Variants in CCSER1 observed in about 807,000 individuals in gnomAD.
The protein encoded by CCSER1 is serine-rich coiled-coil domain-containing protein 1.
In CCSER1, 41 loss-of-function variants were observed where a neutral mutation model predicts 82.0. The observed-to-expected ratio is 0.50, with a 90% CI of 0.39 to 0.65. The LOEUF (loss-of-function observed/expected upper bound fraction) is 0.65. Among genes scored for constraint, CCSER1 ranks in the 30% least tolerant of loss-of-function variants. CCSER1 has a pLI of 0.00. For missense variants in CCSER1, 1,119 were observed against 1,064.2 expected (o/e 1.05, Z -0.72); for synonymous variants, 414 against 383.9 (o/e 1.08, Z -0.92).
chr4:90,914,715 G>GGAA (rs1727024003), intron 8 of CCSER1, among the ~76,000 whole-genome samples: 1 of 128,628 alleles, frequency 7.8e-6, no homozygotes, highest in Non-Finnish European at 1.7e-5. Context: ...GCTTTTTATT[G>GGAA]AAAAAAAAAA....
intron 9 of CCSER1, among the ~76,000 whole-genome samples, chr4:91,021,456 A>G (rs977823864): frequency 6.6e-6 from 1 of 152,222 alleles, no homozygotes; most frequent in Non-Finnish European, 1.5e-5. Flanking sequence ...CTTTGATTTA[A>G]AAATAGTTTT....
chr4:90,148,040 T>G (rs2153347263), intron 1 of CCSER1, among the ~76,000 whole-genome samples: 1 of 152,174 alleles, frequency 6.6e-6, no homozygotes, highest in East Asian at 1.9e-4. Context: ...TAACGCTTGC[T>G]TGTAATCCCA....
chr4:91,561,017 A>G (rs1466921797), intron 10 of CCSER1, among the ~76,000 whole-genome samples: 9 of 151,356 alleles, frequency 5.9e-5, no homozygotes, highest in Non-Finnish European at 1.2e-4. Flanking sequence ...GAAAAACCCA[A>G]ACTTGTACTT....
intron 5 of CCSER1, among the ~76,000 whole-genome samples, chr4:90,488,281 T>G (rs184408067): frequency 6.6e-6 from 1 of 152,232 alleles, no homozygotes; most frequent in African/African-American, 2.4e-5. Flanking sequence ...TCGGCCTCCA[T>G]GGTTCACACC....
chr4:90,703,649 G>A (rs1738645459), intron 6 of CCSER1, among the ~76,000 whole-genome samples: 1 of 152,112 alleles, frequency 6.6e-6, no homozygotes, highest in Non-Finnish European at 1.5e-5. Flanking sequence ...TTATGAATCT[G>A]GGTGCTCCTG....
chr4:90,322,040 G>C (rs1398343609), intron 3 of CCSER1, among the ~76,000 whole-genome samples: 1 of 152,056 alleles, frequency 6.6e-6, no homozygotes, highest in Non-Finnish European at 1.5e-5. Flanking sequence ...TGAGGTCTTA[G>C]TCAGGACATT....
intron 10 of CCSER1, among the ~76,000 whole-genome samples, chr4:91,538,261 T>C (rs536650845): frequency 2.1e-4 from 32 of 152,124 alleles, no homozygotes; most frequent in Non-Finnish European, 2.2e-4. Flanking sequence ...AACTATAATA[T>C]TAAAATAATT....
intron 7 of CCSER1, among the ~76,000 whole-genome samples, chr4:90,736,773 T>G (rs984570394): frequency 6.6e-6 from 1 of 152,064 alleles, no homozygotes; most frequent in Non-Finnish European, 1.5e-5. Context: ...TTTCCTTCTT[T>G]CCTCCCTTGC....
chr4:91,254,081 A>T (rs1184419634), intron 10 of CCSER1, among the ~76,000 whole-genome samples: 1 of 152,172 alleles, frequency 6.6e-6, no homozygotes, highest in Admixed American at 6.5e-5. Context: ...CTATCAAAAT[A>T]TATGAAACAA....
intron 1 of CCSER1, among the ~76,000 whole-genome samples, chr4:90,183,219 A>T (rs1734011665): frequency 6.6e-6 from 1 of 152,098 alleles, no homozygotes; most frequent in Non-Finnish European, 1.5e-5. Flanking sequence ...AATTTGTCTT[A>T]ATTCCCTTGT....
At chr4:90,750,524 T>G (rs1211472956) in intron 7 of CCSER1, among the ~76,000 whole-genome samples, 1 of 152,292 alleles carries the variant, frequency 6.6e-6, no homozygotes, top group South Asian at 2.1e-4. Context: ...TTCTTGAGAC[T>G]ATTTGCTTTC....
chr4:90,173,561 A>G (rs942895886), intron 1 of CCSER1, among the ~76,000 whole-genome samples: 3 of 152,004 alleles, frequency 2.0e-5, no homozygotes, highest in Admixed American at 6.6e-5. Context: ...ATCTTGTCCT[A>G]GAGTCTCAGA....
intron 7 of CCSER1, among the ~76,000 whole-genome samples, chr4:90,808,582 TA>T (rs1405611465): frequency 2.0e-5 from 3 of 151,964 alleles, no homozygotes; most frequent in Admixed American, 2.0e-4. Context: ...GTAAATGACA[TA>T]AGCAGACATT....
chr4:91,465,174 T>A (rs1419269775), intron 10 of CCSER1, among the ~76,000 whole-genome samples: 1 of 152,122 alleles, frequency 6.6e-6, no homozygotes, highest in Non-Finnish European at 1.5e-5. Flanking sequence ...GACAGTGCAA[T>A]GAAACTAGAA....
At chr4:90,328,010 C>T (rs1200944301) in intron 3 of CCSER1, among the ~76,000 whole-genome samples, 1 of 152,136 alleles carries the variant, frequency 6.6e-6, no homozygotes, top group African/African-American at 2.4e-5. Context: ...TTGGAGGCTT[C>T]TTCACACCCA....
chr4:91,393,628 C>T (rs1175524406), intron 10 of CCSER1, among the ~76,000 whole-genome samples: 1 of 151,968 alleles, frequency 6.6e-6, no homozygotes, highest in Non-Finnish European at 1.5e-5. Context: ...TGAGTGTGCT[C>T]TTGTAAACAC....
chr4:91,290,942 A>C (rs1743693500), intron 10 of CCSER1, among the ~76,000 whole-genome samples: 1 of 151,922 alleles, frequency 6.6e-6, no homozygotes, highest in African/African-American at 2.4e-5. Context: ...CTTTTAAATA[A>C]TTAATGAGCT....
At chr4:91,001,476 A>G (rs929182473) in intron 9 of CCSER1, among the ~76,000 whole-genome samples, 2 of 152,100 alleles carry the variant, frequency 1.3e-5, no homozygotes, top group East Asian at 3.9e-4. Context: ...AGTTTCATAT[A>G]GAATATTCTC....
intron 10 of CCSER1, among the ~76,000 whole-genome samples, chr4:91,503,805 T>C (rs1042494854): frequency 6.6e-6 from 1 of 152,224 alleles, no homozygotes; most frequent in Non-Finnish European, 1.5e-5. Context: ...AAAAGGTTGC[T>C]ATAACATAAA....
Sources: gnomAD v4.1 joint callset for allele counts (sites outside exome capture counted in the v4.1 genomes callset) on GRCh38, gnomAD v4.1.1 for gene constraint, MANE v1.5 for transcripts, NCBI Gene and HGNC (gene_info 2026-07-23, HGNC 2026-07-21) for gene names.